The following FAXDC2 variants were observed in gnomAD, a reference collection of about 807,000 sequenced individuals.
FAXDC2 encodes fatty acid hydroxylase domain-containing protein 2.
A neutral mutation model predicts 40.9 loss-of-function variants in FAXDC2; 41 were observed. The observed-to-expected ratio is 1.00, with a 90% confidence interval of 0.78 to 1.30. The LOEUF (loss-of-function observed/expected upper bound fraction) is 1.30. FAXDC2 is among the 50% of genes most tolerant of loss of function. The pLI is 0.00. For synonymous variants in FAXDC2, 157 were observed against 149.3 expected (o/e 1.05, Z -0.38); for missense variants, 390 against 408.8 (o/e 0.95, Z 0.40).
intron 1 of FAXDC2, among the ~76,000 whole-genome samples, chr5:154,840,502 G>A (rs1435058004): frequency 2.0e-5 from 3 of 152,064 alleles, no homozygotes; most frequent in Admixed American, 2.0e-4. Context: ...GGGACTACAG[G>A]TGTACACCAC....
chr5:154,831,886 A>C (rs1760202121), intron 4 of FAXDC2, among the ~76,000 whole-genome samples: 1 of 152,190 alleles, frequency 6.6e-6, no homozygotes, highest in South Asian at 2.1e-4. Flanking sequence ...TAAAAAAAAA[A>C]TTTAAGCAGC....
At chr5:154,831,455 G>GT (rs1554093805) in intron 4 of FAXDC2, among the ~76,000 whole-genome samples, 3,701 of 131,308 alleles carry the variant, frequency 0.028, 138 homozygotes, top group African/African-American at 0.097. Flanking sequence ...TTGTTTGTTT[G>GT]TTTGTTTTTT....
chr5:154,836,516 T>A (rs1760352811), intron 2 of FAXDC2, among the ~76,000 whole-genome samples: 1 of 152,216 alleles, frequency 6.6e-6, no homozygotes, highest in African/African-American at 2.4e-5. Context: ...CTGCTCATAT[T>A]CTTTCATAGG....
In FAXDC2 at chr5:154,834,826, G is replaced by T; in HGVS notation, c.140+17C>A. On this transcript the variant is annotated intron_variant, in intron 3 of 8. Transcript: ENST00000326080. Reference sequence around the variant, plus strand: ...ACCACCACCACACTGCACCCTAGCTGGGTGGAGCCGACTTACCATGTCACT... The same window carrying T: ...ACCACCACCACACTGCACCCTAGCTTGGTGGAGCCGACTTACCATGTCACT... The T allele has an allele frequency of 6.2e-7, 1 of 1,605,462 alleles. No individual in the cohort carries two copies. Among genetic ancestry groups the T allele is most frequent in the Non-Finnish European group, 8.5e-7 (1 of 1,173,486 alleles).
chr5:154,836,442 G>A (rs1448303721), intron 2 of FAXDC2: 1 of 152,170 alleles, frequency 6.6e-6, no homozygotes, highest in Non-Finnish European at 1.5e-5. Context: ...ACCAATTTCC[G>A]TTGTACGACA....
At chr5:154,824,923 AT>A (rs978345560) in intron 5 of FAXDC2, among the ~76,000 whole-genome samples, 1 of 151,672 alleles carries the variant, frequency 6.6e-6, no homozygotes, top group African/African-American at 2.4e-5. Flanking sequence ...ACCCCATCTA[AT>A]TTTTTTTAAA....
chr5:154,828,125 A>G (rs1760090760), intron 5 of FAXDC2, among the ~76,000 whole-genome samples: 1 of 151,816 alleles, frequency 6.6e-6, no homozygotes, highest in Admixed American at 6.6e-5. Context: ...CTGGGATTAC[A>G]GGCGTGAGCC....
At chr5:154,824,490 G>A (rs889820717) in intron 5 of FAXDC2, 2 of 702,554 alleles carry the variant, frequency 2.8e-6, no homozygotes, top group Non-Finnish European at 5.2e-6. Context: ...GGCACTGCAT[G>A]CATTAACTGA....
chr5:154,822,640 A>G, intron 6 of FAXDC2, 63 bp from the exon 7 acceptor site: 2 of 1,324,146 alleles, frequency 1.5e-6, no homozygotes, highest in Non-Finnish European at 2.2e-6. Context: ...CGACCAGACC[A>G]TGAGAAACCA....
At chr5:154,821,185 G>T in intron 8 of FAXDC2, 75 bp downstream of exon 8, 1 of 1,216,478 alleles carries the variant, frequency 8.2e-7, no homozygotes, top group Non-Finnish European at 1.2e-6. Context: ...AGATACCAGT[G>T]CCTGCTATCA....
chr5:154,820,527 C>G (rs1759858164), intron 8 of FAXDC2, 55 bp from the exon 9 acceptor site: 2 of 1,464,222 alleles, frequency 1.4e-6, no homozygotes, highest in African/African-American at 1.4e-5. Flanking sequence ...CCGTGCAGAT[C>G]CCATTTCATT....
intron 8 of FAXDC2, 49 bp downstream of exon 8, chr5:154,821,210 GA>G: frequency 6.9e-7 from 1 of 1,453,412 alleles, no homozygotes; most frequent in Non-Finnish European, 9.5e-7. Flanking sequence ...CTTAAGGAGG[GA>G]GGGTGATGGT....
At chr5:154,838,942 A>G (rs1760417891) in intron 1 of FAXDC2, 1 of 152,134 alleles carries the variant, frequency 6.6e-6, no homozygotes, top group African/African-American at 2.4e-5. Flanking sequence ...CAACAGTTCT[A>G]TGGAAAAGAA....
At chr5:154,822,324 TGGCATATGGAA>T in intron 7 of FAXDC2, 137 bp downstream of exon 7, 1 of 662,604 alleles carries the variant, frequency 1.5e-6, no homozygotes, top group Non-Finnish European at 2.7e-6. Context: ...TAACATAGCC[TGGCATATGGAA>T]GGCTGACAAT....
chr5:154,845,089 C>T (rs1216579002), intron 1 of FAXDC2, among the ~76,000 whole-genome samples: 2 of 152,318 alleles, frequency 1.3e-5, no homozygotes, highest in African/African-American at 2.4e-5. Context: ...TTAGTTACGC[C>T]AATATGGCCA....
At chr5:154,834,012 T>C (rs1354406614) in intron 4 of FAXDC2, among the ~76,000 whole-genome samples, 1 of 149,544 alleles carries the variant, frequency 6.7e-6, no homozygotes. Flanking sequence ...GTGTAGCACA[T>C]AGTAACATTA....
Position 154,823,474 on chromosome 5 carries a change from C to T in FAXDC2, c.485G>A (p.Arg162His), listed in dbSNP as rs982751376. The change falls in exon 6 of 9, where the codon CGC becomes CAC. Residue 162 changes from arginine to histidine, a missense_variant. Transcript: ENST00000326080. ...CCAGTGGAAGGTGGGTAGCTCACGG[C>T]GGCAGGGGTCTCTCCACCATTTGAG... Reference protein sequence around the residue: ...PFLKWWRDPCRRELPTFHWFL... With the variant: ...PFLKWWRDPCHRELPTFHWFL... 10 of 1,614,006 alleles carry T rather than the reference C, an allele frequency of 6.2e-6. No homozygotes were observed. Among genetic ancestry groups the T allele is most frequent in the South Asian group, 3.3e-5 (3 of 91,084 alleles).
At chr5:154,828,510 G>C (rs1760100602) in intron 5 of FAXDC2, among the ~76,000 whole-genome samples, 1 of 151,996 alleles carries the variant, frequency 6.6e-6, no homozygotes, top group Non-Finnish European at 1.5e-5. Flanking sequence ...GGTGTCAGGT[G>C]GGCAGGCAGA....
intron 5 of FAXDC2, among the ~76,000 whole-genome samples, chr5:154,827,324 A>G (rs1561653614): frequency 6.6e-6 from 1 of 151,308 alleles, no homozygotes; most frequent in Non-Finnish European, 1.5e-5. Context: ...AAAAAAACCA[A>G]CAAAACCCAA....
Sources: gnomAD v4.1 joint callset for allele counts (sites outside exome capture counted in the v4.1 genomes callset) on GRCh38, gnomAD v4.1.1 for gene constraint, MANE v1.5 for transcripts, NCBI Gene and HGNC (gene_info 2026-07-23, HGNC 2026-07-21) for gene names.